Variants in LINGO2 observed in about 807,000 individuals in gnomAD.
LINGO2 encodes the protein leucine-rich repeat and immunoglobulin-like domain-containing nogo receptor-interacting protein 2.
Under a neutral mutation model 30.6 loss-of-function variants are expected in LINGO2, and 14 were observed. That is an observed-to-expected ratio of 0.46 (90% CI 0.30 to 0.72). The LOEUF (loss-of-function observed/expected upper bound fraction) is 0.72. LINGO2 is among the 30% of genes least tolerant of loss of function. The probability of loss-of-function intolerance (pLI) is 0.07; values close to 1 mark genes in which losing one functional copy is unlikely to be tolerated. For missense variants in LINGO2, 729 were observed against 751.7 expected, an observed-to-expected ratio of 0.97 and a Z score of 0.35; for synonymous variants, 317 against 288.5, an observed-to-expected ratio of 1.10 and a Z score of -1.00.
At chr9:28,901,369 TA>T in the LINGO2 span, among the ~76,000 whole-genome samples, 8 of 152,056 alleles carry the variant, frequency 5.3e-5, no homozygotes, top group Admixed American at 1.3e-4. Flanking sequence ...CAAAACATAT[TA>T]AAGTATAAAA....
chr9:28,516,497 C>G lies in LINGO2; in HGVS notation c.-364-40472G>C, dbSNP rs192219169. On this transcript the variant is annotated intron_variant, in intron 1 of 5. Coordinates refer to ENST00000379992, the Ensembl canonical transcript of LINGO2. ...CACAGGTCCTGCCTGGGTGTGGTAT[C>G]TCCCTGCCTGGGTGTGATGACTCCA... 6.4e-4 allele frequency among the ~76,000 whole-genome samples: 98 copies of G among 152,278 alleles called. 1 individual carries two copies. Among genetic ancestry groups the G allele is most frequent in the Admixed American group, 9.8e-4 (15 of 15,290 alleles).
chr9:28,317,255 G>T (rs943346702), intron 3 of LINGO2, among the ~76,000 whole-genome samples: 1 of 151,070 alleles, frequency 6.6e-6, no homozygotes, highest in Admixed American at 6.6e-5. Flanking sequence ...AGAAAAGAGA[G>T]ATATAATTTT....
chr9:29,181,324 C>G, the LINGO2 span, among the ~76,000 whole-genome samples: 1 of 152,104 alleles, frequency 6.6e-6, no homozygotes. Flanking sequence ...CATTCTAACA[C>G]AAAGTGACTT....
At position 28,122,089 on chromosome 9, in the gene LINGO2, A is replaced by G. The variant is rs559724254; in HGVS notation, c.-86-109684T>C. The stretch of plus-strand genomic sequence containing the variant: ...CTGGTGTTCACAAAACTAGCGCATG[A>G]TACTACTTTTTACTTAATTTCCTAA... On this transcript the variant is annotated intron_variant, in intron 4 of 5. Coordinates refer to ENST00000379992, the Ensembl canonical transcript of LINGO2. 7.9e-5 allele frequency among the ~76,000 whole-genome samples: 12 copies of G among 152,158 alleles called. No homozygotes were observed. The South Asian group carries it at 2.3e-3, about 29-fold the overall frequency.
At chr9:28,663,901 C>A (rs2136018820) in intron 1 of LINGO2, among the ~76,000 whole-genome samples, 1 of 137,034 alleles carries the variant, frequency 7.3e-6, no homozygotes, top group South Asian at 2.3e-4. Context: ...GAAGAATCAA[C>A]TTGAGATTAT....
chr9:28,948,269 T>G, the LINGO2 span, among the ~76,000 whole-genome samples: 2 of 152,128 alleles, frequency 1.3e-5, no homozygotes, highest in Non-Finnish European at 2.9e-5. Flanking sequence ...ATAGCTTTTC[T>G]CTTTTTCAGA....
chr9:28,469,586 A>T (rs1825442300), intron 2 of LINGO2, among the ~76,000 whole-genome samples: 1 of 152,260 alleles, frequency 6.6e-6, no homozygotes, highest in South Asian at 2.1e-4. Flanking sequence ...AACATTAATC[A>T]TGTACAAGGG....
chr9:28,675,499 C>A, the LINGO2 span, among the ~76,000 whole-genome samples: 1 of 152,046 alleles, frequency 6.6e-6, no homozygotes, highest in Non-Finnish European at 1.5e-5. Context: ...GCAATATAAT[C>A]TGTTTCCCTA....
chr9:28,763,790 A>AAG, the LINGO2 span, among the ~76,000 whole-genome samples: 4 of 150,206 alleles, frequency 2.7e-5, no homozygotes, highest in African/African-American at 7.3e-5. Flanking sequence ...TAATTAGAGG[A>AAG]AGAGAGAGAG....
intron 1 of LINGO2, among the ~76,000 whole-genome samples, chr9:28,554,482 C>T (rs985850789): frequency 3.5e-4 from 51 of 147,700 alleles, no homozygotes; most frequent in Admixed American, 2.2e-3. Context: ...AATACAGGAG[C>T]ACCCAGACTC....
At chr9:28,399,446 G>T (rs369917724) in intron 2 of LINGO2, among the ~76,000 whole-genome samples, 1 of 152,036 alleles carries the variant, frequency 6.6e-6, no homozygotes, top group African/African-American at 2.4e-5. Flanking sequence ...ATAATTTGTA[G>T]ATTTACATGT....
At chr9:28,479,910 GGTATAT>G (rs1349737063) in intron 1 of LINGO2, among the ~76,000 whole-genome samples, 4 of 17,236 alleles carry the variant, frequency 2.3e-4, no homozygotes, top group African/African-American at 4.9e-4. Context: ...TATATACGTA[GGTATAT>G]ATATATATAT....
chr9:29,129,245 TA>T, the LINGO2 span, among the ~76,000 whole-genome samples: 10 of 152,062 alleles, frequency 6.6e-5, no homozygotes, highest in African/African-American at 2.4e-4. Context: ...ACTGGCTATT[TA>T]AAAAAATTGT....
At chr9:28,879,793 A>G in the LINGO2 span, among the ~76,000 whole-genome samples, 1 of 152,142 alleles carries the variant, frequency 6.6e-6, no homozygotes, top group Non-Finnish European at 1.5e-5. Context: ...GGACTTGGGA[A>G]TTTCTGAGGA....
chr9:28,853,651 T>C, the LINGO2 span, among the ~76,000 whole-genome samples: 1 of 151,894 alleles, frequency 6.6e-6, no homozygotes, highest in Non-Finnish European at 1.5e-5. Flanking sequence ...CTTACAGTCA[T>C]GGTGAAAGGG....
the LINGO2 span, among the ~76,000 whole-genome samples, chr9:28,970,879 C>T: frequency 6.6e-6 from 1 of 152,130 alleles, no homozygotes; most frequent in African/African-American, 2.4e-5. Flanking sequence ...GAGGGCACAC[C>T]ACCTATTGAG....
chr9:28,086,522 T>C (rs564972300), intron 4 of LINGO2, among the ~76,000 whole-genome samples: 5 of 152,176 alleles, frequency 3.3e-5, no homozygotes, highest in Admixed American at 3.3e-4. Flanking sequence ...AAGTTGAACC[T>C]CAGGAGATCC....
the LINGO2 span, among the ~76,000 whole-genome samples, chr9:29,063,635 G>C: frequency 7.2e-5 from 11 of 151,902 alleles, no homozygotes; most frequent in African/African-American, 2.7e-4. Flanking sequence ...TCTGACCTCA[G>C]GTAATCTGCC....
intron 5 of LINGO2, among the ~76,000 whole-genome samples, chr9:27,953,328 T>C (rs192675013): frequency 1.4e-3 from 206 of 152,330 alleles, no homozygotes; most frequent in Non-Finnish European, 2.4e-3. Context: ...ACTATACATG[T>C]TTGTTACAGA....
Sources: gnomAD v4.1 joint callset for allele counts (sites outside exome capture counted in the v4.1 genomes callset) on GRCh38, gnomAD v4.1.1 for gene constraint, MANE v1.5 for transcripts, NCBI Gene and HGNC (gene_info 2026-07-23, HGNC 2026-07-21) for gene names.